Variants in EYS observed in about 807,000 individuals in gnomAD.
The protein encoded by EYS is protein eyes shut homolog.
In EYS, 250 loss-of-function variants were observed where a neutral mutation model predicts 282.1. The ratio of observed to expected loss-of-function variants is 0.89; its 90% CI spans 0.80 to 0.98. The LOEUF (loss-of-function observed/expected upper bound fraction) is 0.98. EYS is among the 50% of genes least tolerant of loss of function. The pLI is 0.00. For missense variants in EYS, 4,016 were observed against 3,709.0 expected, an observed-to-expected ratio of 1.08 and a Z score of -2.15; for synonymous variants, 1,355 against 1,282.9, an observed-to-expected ratio of 1.06 and a Z score of -1.20.
In EYS at chr6:65,014,834, C is replaced by A. The variant is rs574425522; in HGVS notation, c.2138-17131G>T. On this transcript the variant is annotated intron_variant, in intron 13 of 42. Coordinates refer to ENST00000503581, the MANE Select transcript of EYS (RefSeq NM_001142800.2). ...ACCTGCGAGTGCTATCTTATGTGGC[C>A]AATAAGAATTTGCAGATTTGATTAA... is the stretch of plus-strand genomic sequence containing the variant. Among the ~76,000 whole-genome samples, 5 of 152,190 alleles carry A rather than the reference C, an allele frequency of 3.3e-5. No individual in the cohort carries two copies. The East Asian group carries it at 9.6e-4, about 29-fold the overall frequency.
chr6:64,223,851 C>T (rs546370892), intron 31 of EYS, among the ~76,000 whole-genome samples: 1 of 152,138 alleles, frequency 6.6e-6, no homozygotes, highest in South Asian at 2.1e-4. Context: ...ATAAATCATA[C>T]TTCCCAGTGT....
intron 31 of EYS, among the ~76,000 whole-genome samples, chr6:64,101,207 T>TG (rs1403133175): frequency 6.7e-6 from 1 of 150,078 alleles, no homozygotes; most frequent in Non-Finnish European, 1.5e-5. Context: ...TTTAATAGAT[T>TG]TTTTTTTTTA....
At chr6:64,745,772 C>A (rs948654150) in intron 22 of EYS, among the ~76,000 whole-genome samples, 2 of 152,104 alleles carry the variant, frequency 1.3e-5, no homozygotes, top group Admixed American at 1.3e-4. Context: ...CATTGGCAAG[C>A]ATTATAGCTT....
chr6:64,620,753 T>C (rs1006276594), intron 23 of EYS, among the ~76,000 whole-genome samples: 24 of 152,212 alleles, frequency 1.6e-4, no homozygotes, highest in Non-Finnish European at 5.9e-5. Context: ...TTGAATCTTA[T>C]GTAGGTTTTA....
intron 30 of EYS, among the ~76,000 whole-genome samples, chr6:64,251,026 A>C (rs1229624625): frequency 6.6e-6 from 1 of 152,176 alleles, no homozygotes; most frequent in East Asian, 1.9e-4. Flanking sequence ...AACACTCTTT[A>C]TCTCACCTTG....
intron 26 of EYS, among the ~76,000 whole-genome samples, chr6:64,508,117 A>G (rs1208897883): frequency 6.6e-6 from 1 of 152,168 alleles, no homozygotes; most frequent in East Asian, 1.9e-4. Context: ...TGAAACTGGA[A>G]TATAATAACA....
chr6:64,594,098 T>C (rs1295374952), intron 24 of EYS, among the ~76,000 whole-genome samples: 2 of 152,198 alleles, frequency 1.3e-5, no homozygotes, highest in African/African-American at 2.4e-5. Context: ...ATATTACATC[T>C]AATTTGCAGA....
chr6:65,180,136 A>G (rs1175341908), intron 12 of EYS, among the ~76,000 whole-genome samples: 1 of 152,014 alleles, frequency 6.6e-6, no homozygotes, highest in East Asian at 1.9e-4. Flanking sequence ...TTCCCTTTGA[A>G]AACGGGCACA....
chr6:63,897,038 C>A (rs1254616316), intron 35 of EYS, among the ~76,000 whole-genome samples: 1 of 152,142 alleles, frequency 6.6e-6, no homozygotes, highest in Non-Finnish European at 1.5e-5. Flanking sequence ...TAAATGATTA[C>A]AATATGCAGA....
At chr6:63,993,618 A>C (rs1285701970) in intron 34 of EYS, among the ~76,000 whole-genome samples, 1 of 151,926 alleles carries the variant, frequency 6.6e-6, no homozygotes, top group East Asian at 1.9e-4. Context: ...GAGGGCAAAA[A>C]ACATGTAACT....
chr6:64,837,743 T>C (rs1379778123), intron 19 of EYS, among the ~76,000 whole-genome samples: 1 of 149,650 alleles, frequency 6.7e-6, no homozygotes, highest in Non-Finnish European at 1.5e-5. Context: ...AATCAACATA[T>C]GAGTTTAGTA....
At chr6:65,523,206 A>C (rs1020523507) in intron 2 of EYS, among the ~76,000 whole-genome samples, 7 of 152,150 alleles carry the variant, frequency 4.6e-5, no homozygotes, top group Admixed American at 3.3e-4. Flanking sequence ...AATTACCTAC[A>C]TTTTACCATT....
intron 14 of EYS, among the ~76,000 whole-genome samples, chr6:64,970,293 C>T (rs954070774): frequency 2.6e-5 from 4 of 152,052 alleles, no homozygotes; most frequent in South Asian, 2.1e-4. Flanking sequence ...AGCAAACAAA[C>T]ACAGATCATA....
At chr6:65,329,916 ACT>A in intron 11 of EYS, 1 of 978,970 alleles carries the variant, frequency 1.0e-6, no homozygotes, top group South Asian at 4.7e-5. Context: ...TTGAAACAGA[ACT>A]CTTACTTATA....
At chr6:64,922,025 G>C (rs1376252941) in intron 15 of EYS, among the ~76,000 whole-genome samples, 1 of 152,128 alleles carries the variant, frequency 6.6e-6, no homozygotes, top group Non-Finnish European at 1.5e-5. Flanking sequence ...CCATCAAAGA[G>C]TGTTTGGGGT....
intron 12 of EYS, among the ~76,000 whole-genome samples, chr6:65,119,630 C>CTTTTTTTTTTTTTTTTT (rs3036008): frequency 3.0e-5 from 4 of 135,340 alleles, no homozygotes; most frequent in Non-Finnish European, 4.7e-5. Context: ...GCCTTTTTAT[C>CTTTTTTTTTTTTTTTTT]TTTTTTTTTT....
chr6:64,783,507 AG>A (rs1476878583), intron 22 of EYS, among the ~76,000 whole-genome samples: 4 of 152,092 alleles, frequency 2.6e-5, no homozygotes, highest in African/African-American at 9.7e-5. Flanking sequence ...ATTAATTTTA[AG>A]AAATTCAGGT....
intron 11 of EYS, among the ~76,000 whole-genome samples, chr6:65,321,629 G>A (rs1321174781): frequency 1.3e-5 from 2 of 152,166 alleles, no homozygotes; most frequent in Non-Finnish European, 2.9e-5. Flanking sequence ...ATATTAAGGG[G>A]CTGCAATACA....
chr6:64,473,148 T>G (rs186044724), intron 26 of EYS, among the ~76,000 whole-genome samples: 1 of 152,170 alleles, frequency 6.6e-6, no homozygotes, highest in African/African-American at 2.4e-5. Context: ...GAGGAAGATA[T>G]ATGTGTAATT....
Sources: gnomAD v4.1 joint callset for allele counts (sites outside exome capture counted in the v4.1 genomes callset) on GRCh38, gnomAD v4.1.1 for gene constraint, MANE v1.5 for transcripts, NCBI Gene and HGNC (gene_info 2026-07-23, HGNC 2026-07-21) for gene names.